RNLS: variants seen among roughly 807,000 people sequenced by gnomAD.
RNLS encodes renalase, FAD dependent amine oxidase, also known as renalase.
In RNLS, 39 loss-of-function variants were observed where a neutral mutation model predicts 39.8. The ratio of observed to expected loss-of-function variants is 0.98; its 90% confidence interval spans 0.76 to 1.28. The LOEUF is 1.28. Ranked by LOEUF, RNLS falls within the 50% of genes most tolerant of loss-of-function variation. The probability of loss-of-function intolerance (pLI) is 0.00; values close to 1 mark genes in which losing one functional copy is unlikely to be tolerated. For missense variants in RNLS, 410 were observed against 413.3 expected (o/e 0.99, Z 0.07); for synonymous variants, 147 against 150.7 (o/e 0.98, Z 0.18).
At chr10:88,412,495 C>T (rs931133001) in intron 4 of RNLS, among the ~76,000 whole-genome samples, 2 of 151,914 alleles carry the variant, frequency 1.3e-5, no homozygotes, top group African/African-American at 4.8e-5. Flanking sequence ...CTCATTATAT[C>T]ATTGAGATGA....
Position 88,583,259 on chromosome 10 carries a change from G to A in RNLS, c.-69C>T, listed in dbSNP as rs917853723. The A allele has an allele frequency of 7.5e-5, 120 of 1,590,700 alleles. No individual in the cohort carries two copies. Among genetic ancestry groups the A allele is most frequent in the Non-Finnish European group, 9.9e-5 (116 of 1,172,368 alleles). Reference sequence around the variant, plus strand: ...CCGTTCGGCCCGGGCTTTCTGGAAAGGCGGCCGAACCGGCGCTAGCGCTCT... The same window carrying A: ...CCGTTCGGCCCGGGCTTTCTGGAAAAGCGGCCGAACCGGCGCTAGCGCTCT... On this transcript the variant is annotated 5_prime_UTR_variant, in exon 1 of 7. Transcript: ENST00000331772.
chr10:88,354,965 G>C (rs910796404), intron 5 of RNLS, among the ~76,000 whole-genome samples: 11 of 151,978 alleles, frequency 7.2e-5, no homozygotes, highest in African/African-American at 2.7e-4. Context: ...TCATTCATCT[G>C]ATCATCCATC....
At chr10:88,197,864 T>C in the RNLS span, among the ~76,000 whole-genome samples, 2,058 of 152,310 alleles carry the variant, frequency 0.014, 48 homozygotes, top group African/African-American at 0.042. Context: ...GGAGAGGGTC[T>C]TCACCAGAAA....
chr10:88,191,418 T>A, the RNLS span, among the ~76,000 whole-genome samples: 1 of 152,142 alleles, frequency 6.6e-6, no homozygotes, highest in Admixed American at 6.5e-5. Flanking sequence ...CATTGACAAA[T>A]AAAAATTATA....
chr10:88,398,851 C>T (rs1617881), intron 4 of RNLS, among the ~76,000 whole-genome samples: 88,724 of 151,758 alleles, frequency 0.58, 25,992 homozygotes, highest in African/African-American at 0.63. Context: ...AAAAAGTCAA[C>T]ACATTGAATA....
chr10:88,356,010 C>T (rs867287080), intron 5 of RNLS, among the ~76,000 whole-genome samples: 1 of 152,246 alleles, frequency 6.6e-6, no homozygotes, highest in Non-Finnish European at 1.5e-5. Context: ...GCATGGGACC[C>T]TCTGATCCTT....
intron 4 of RNLS, among the ~76,000 whole-genome samples, chr10:88,508,637 T>G (rs1845926008): frequency 6.6e-6 from 1 of 152,106 alleles, no homozygotes; most frequent in African/African-American, 2.4e-5. Flanking sequence ...CTGGTGCCAA[T>G]GTTTCTTTAA....
downstream of RNLS, among the ~76,000 whole-genome samples, chr10:88,279,468 C>T (rs901863370): frequency 1.3e-5 from 2 of 151,970 alleles, no homozygotes; most frequent in Non-Finnish European, 2.9e-5. Flanking sequence ...GAGGGCCCTG[C>T]GGCTCGAGAC....
chr10:88,447,708 C>T (rs1201859540), intron 4 of RNLS, among the ~76,000 whole-genome samples: 2 of 152,130 alleles, frequency 1.3e-5, no homozygotes, highest in Non-Finnish European at 2.9e-5. Flanking sequence ...CAAGTCAATC[C>T]TAAGCCAAAG....
chr10:88,454,929 T>C (rs1313365189), intron 4 of RNLS, among the ~76,000 whole-genome samples: 1 of 152,218 alleles, frequency 6.6e-6, no homozygotes, highest in East Asian at 1.9e-4. Context: ...CTCATTTTTA[T>C]TCAATTCAAC....
the RNLS span, among the ~76,000 whole-genome samples, chr10:88,214,274 C>G: frequency 6.6e-6 from 1 of 152,094 alleles, no homozygotes; most frequent in Non-Finnish European, 1.5e-5. Context: ...TGAGTCAGGG[C>G]AGGGAAGTCA....
At chr10:88,217,930 C>T in the RNLS span, among the ~76,000 whole-genome samples, 2 of 152,056 alleles carry the variant, frequency 1.3e-5, no homozygotes, top group African/African-American at 4.8e-5. Flanking sequence ...ATCCCAGCTA[C>T]TCAGCAGGCT....
chr10:88,190,699 A>G, the RNLS span, among the ~76,000 whole-genome samples: 6 of 152,142 alleles, frequency 3.9e-5, no homozygotes, highest in Non-Finnish European at 1.5e-5. Context: ...TTGGTTGGGC[A>G]TAGGTTCCTG....
chr10:88,282,457 TAGG>T (rs1843047579), downstream of RNLS, among the ~76,000 whole-genome samples: 1 of 147,036 alleles, frequency 6.8e-6, no homozygotes, highest in Non-Finnish European at 1.5e-5. Context: ...ACAGAGGTGT[TAGG>T]AGGATGAAAA....
chr10:88,364,286 T>C (rs1311714578), intron 4 of RNLS, among the ~76,000 whole-genome samples: 3 of 152,176 alleles, frequency 2.0e-5, no homozygotes, highest in South Asian at 4.1e-4. Flanking sequence ...GGGGAAACTT[T>C]AGTTAAATCT....
At chr10:88,295,864 T>C (rs2132918180) in intron 6 of RNLS, among the ~76,000 whole-genome samples, 1 of 152,320 alleles carries the variant, frequency 6.6e-6, no homozygotes, top group Middle Eastern at 3.4e-3. Context: ...TTCTATCTTT[T>C]AAAACCCTGA....
In RNLS at chr10:88,352,891, CTAT is replaced by C. The variant is rs755099448; in HGVS notation, c.700+9658_700+9660del. Among the ~76,000 whole-genome samples, 25 of 152,262 alleles carry C rather than the reference CTAT, an allele frequency of 1.6e-4. No homozygotes were observed. In the East Asian group the frequency reaches 2.9e-3, roughly 18 times the overall value. On this transcript the variant is annotated intron_variant, in intron 5 of 6. Coordinates refer to ENST00000331772, the MANE Select transcript of RNLS (RefSeq NM_001031709.3). ...CTCAATTTCAGAGCCTGTTATTGGT[CTAT>C]TAAGAGATTCAACTTCTTCCTGGTT...
intron 4 of RNLS, among the ~76,000 whole-genome samples, chr10:88,439,963 C>T (rs1369583084): frequency 6.6e-6 from 1 of 152,178 alleles, no homozygotes; most frequent in African/African-American, 2.4e-5. Context: ...TCAAGGCTCT[C>T]TATGGCACAT....
At chr10:88,299,522 G>C (rs1844350566) in intron 6 of RNLS, among the ~76,000 whole-genome samples, 1 of 152,208 alleles carries the variant, frequency 6.6e-6, no homozygotes, top group South Asian at 2.1e-4. Context: ...CTACTCAGGA[G>C]CCTGAGGCAG....
Sources: allele counts gnomAD v4.1 joint callset (sites outside exome capture counted in the v4.1 genomes callset), GRCh38; gene constraint gnomAD v4.1.1; transcripts MANE v1.5; gene names NCBI Gene and HGNC (gene_info 2026-07-23, HGNC 2026-07-21).